ADK: variants seen among roughly 807,000 people sequenced by gnomAD.
ADK encodes N6,N6-dimethyladenosine kinase.
In ADK, 24 loss-of-function variants were observed where a neutral mutation model predicts 44.7. The observed-to-expected ratio is 0.54, with a 90% CI of 0.39 to 0.76. ADK has a LOEUF of 0.76. Among genes scored for constraint, ADK ranks in the 30% least tolerant of loss-of-function variants. The probability of loss-of-function intolerance (pLI) is 0.00; values close to 1 mark genes in which losing one functional copy is unlikely to be tolerated. For missense variants in ADK, 321 were observed against 425.1 expected (o/e 0.76, Z 2.15); for synonymous variants, 128 against 142.6 (o/e 0.90, Z 0.73).
At chr10:74,483,613 A>G (rs1029746213) in intron 6 of ADK, among the ~76,000 whole-genome samples, 3 of 152,218 alleles carry the variant, frequency 2.0e-5, no homozygotes, top group African/African-American at 7.2e-5. Flanking sequence ...TATAAGTTCC[A>G]GTTTCAGATC....
At chr10:74,678,624 G>C (rs779947899) in intron 10 of ADK, among the ~76,000 whole-genome samples, 1 of 152,178 alleles carries the variant, frequency 6.6e-6, no homozygotes, top group Non-Finnish European at 1.5e-5. Context: ...AGACTCCAAA[G>C]CTCAGATGTG....
Position 74,394,232 on chromosome 10 carries a change from A to G in ADK, c.365A>G (p.Glu122Gly), listed in dbSNP as rs762256039. Residue 122 changes from glutamate (E) to glycine (G), a missense_variant, in exon 5 of 11, where the codon GAA becomes GGA. Glu to Gly is a moderately conservative substitution (Grantham distance 98, BLOSUM62 -2). Transcript: ENST00000539909. ...GAGATCCTGAAGAGAAAAGCTGCTG[A>G]AGCCCATGTGGATGCTCATTACTAC... The part of the protein sequence containing the change: ...FGEILKRKAA[E>G]AHVDAHYYEQ... 6.2e-7 allele frequency: 1 copy of G among 1,614,100 alleles called. No individual in the cohort carries two copies. Among genetic ancestry groups the G allele is most frequent in the Non-Finnish European group, 8.5e-7 (1 of 1,179,968 alleles).
intron 6 of ADK, among the ~76,000 whole-genome samples, chr10:74,505,900 C>T (rs61859830): frequency 0.083 from 12,688 of 152,094 alleles, 583 homozygotes; most frequent in African/African-American, 0.11. Context: ...GTGGGTGACC[C>T]GGGGCATTGT....
chr10:74,343,378 T>C (rs1841651724), intron 4 of ADK, among the ~76,000 whole-genome samples: 1 of 152,172 alleles, frequency 6.6e-6, no homozygotes, highest in African/African-American at 2.4e-5. Context: ...AAAGAATATA[T>C]TATTAAGAAA....
At chr10:74,572,850 C>G (rs1357655212) in intron 7 of ADK, among the ~76,000 whole-genome samples, 1 of 152,166 alleles carries the variant, frequency 6.6e-6, no homozygotes, top group Non-Finnish European at 1.5e-5. Context: ...GCTTTCAGCT[C>G]CATCAGCTCC....
chr10:74,487,544 A>G (rs1847308615), intron 6 of ADK, among the ~76,000 whole-genome samples: 1 of 151,386 alleles, frequency 6.6e-6, no homozygotes, highest in Non-Finnish European at 1.5e-5. Flanking sequence ...TTTTTAACCC[A>G]TCTTATTTTG....
intron 2 of ADK, among the ~76,000 whole-genome samples, chr10:74,209,708 T>C (rs1365562385): frequency 1.3e-5 from 2 of 152,002 alleles, no homozygotes; most frequent in Non-Finnish European, 2.9e-5. Flanking sequence ...AGCCTCAAAC[T>C]CCTGTCCCTC....
intron 10 of ADK, among the ~76,000 whole-genome samples, chr10:74,681,710 C>A (rs1484344022): frequency 6.6e-6 from 1 of 152,040 alleles, no homozygotes; most frequent in African/African-American, 2.4e-5. Context: ...ATTAGCCAAG[C>A]CTGATGGCGG....
At chr10:74,575,535 A>G (rs918003040) in intron 7 of ADK, among the ~76,000 whole-genome samples, 4 of 152,190 alleles carry the variant, frequency 2.6e-5, no homozygotes, top group African/African-American at 4.8e-5. Flanking sequence ...AAGGTATTCT[A>G]ATTCACTTAG....
At chr10:74,172,987 AT>A in intron 1 of ADK, among the ~76,000 whole-genome samples, 1 of 151,936 alleles carries the variant, frequency 6.6e-6, no homozygotes, top group Middle Eastern at 3.4e-3. Context: ...TTTATTAACT[AT>A]TTTAATATTG....
At chr10:74,364,605 C>T (rs528891699) in intron 4 of ADK, among the ~76,000 whole-genome samples, 1 of 151,944 alleles carries the variant, frequency 6.6e-6, no homozygotes, top group East Asian at 1.9e-4. Flanking sequence ...CCTCTTCTTC[C>T]TTTTCCACAG....
intron 9 of ADK, among the ~76,000 whole-genome samples, chr10:74,604,395 T>C (rs553037051): frequency 7.9e-5 from 12 of 152,342 alleles, no homozygotes; most frequent in African/African-American, 2.9e-4. Context: ...TTTTATGTTT[T>C]AAGTCTTTAA....
chr10:74,188,956 A>G (rs1347628112), intron 1 of ADK, among the ~76,000 whole-genome samples: 1 of 151,914 alleles, frequency 6.6e-6, no homozygotes, highest in African/African-American at 2.4e-5. Context: ...TATTTTTAGT[A>G]GAGACGGGGT....
At chr10:74,577,112 G>C (rs1030493959) in intron 7 of ADK, among the ~76,000 whole-genome samples, 5 of 84,968 alleles carry the variant, frequency 5.9e-5, no homozygotes, top group South Asian at 5.8e-4. Flanking sequence ...TTATTTCTCT[G>C]TGTGTGTGTG....
intron 1 of ADK, among the ~76,000 whole-genome samples, chr10:74,190,981 CT>C (rs61491732): frequency 0.016 from 2,173 of 134,896 alleles, 16 homozygotes; most frequent in South Asian, 0.021. Context: ...CTATTTTTGA[CT>C]TTTTTTTTTT....
At chr10:74,621,974 A>G (rs887812544) in intron 9 of ADK, among the ~76,000 whole-genome samples, 2 of 152,006 alleles carry the variant, frequency 1.3e-5, no homozygotes, top group Non-Finnish European at 1.5e-5. Context: ...TCCAAATTTT[A>G]TCTGTTTTGT....
At chr10:74,576,711 C>T (rs905685436) in intron 7 of ADK, among the ~76,000 whole-genome samples, 2 of 152,074 alleles carry the variant, frequency 1.3e-5, no homozygotes, top group African/African-American at 2.4e-5. Context: ...TTAGCCCAGT[C>T]GCTTTATAAT....
chr10:74,299,566 T>G lies in ADK; in HGVS notation c.195-15101T>G, dbSNP rs901795894. ...TAAAATACATATTTATATCATAAACTTTGTAGATTTCTCCACTTAACCTTT... is the reference window on the plus strand; with the variant it reads ...TAAAATACATATTTATATCATAAACGTTGTAGATTTCTCCACTTAACCTTT... On this transcript the variant is annotated intron_variant, in intron 3 of 10. Transcript: ENST00000539909. 2.4e-4 allele frequency among the ~76,000 whole-genome samples: 35 copies of G among 148,238 alleles called. 1 individual carries two copies. Among genetic ancestry groups the G allele is most frequent in the Middle Eastern group, 7.2e-3 (2 of 278 alleles).
intron 10 of ADK, among the ~76,000 whole-genome samples, chr10:74,684,269 AAG>A (rs1242008942): frequency 6.6e-6 from 1 of 152,234 alleles, no homozygotes; most frequent in Non-Finnish European, 1.5e-5. Flanking sequence ...CAAGTAGATC[AAG>A]ATATCAAGAT....
Sources: gnomAD v4.1 joint callset for allele counts (sites outside exome capture counted in the v4.1 genomes callset) on GRCh38, gnomAD v4.1.1 for gene constraint, MANE v1.5 for transcripts, NCBI Gene and HGNC (gene_info 2026-07-23, HGNC 2026-07-21) for gene names.